Variants in NRF1 observed in about 807,000 individuals in gnomAD.
NRF1 encodes the protein nuclear respiratory factor 1, also known as alpha palindromic-binding protein.
Under a neutral mutation model 58.5 loss-of-function variants are expected in NRF1, and 5 were observed. The observed-to-expected ratio is 0.09, with a 90% CI of 0.04 to 0.18. The LOEUF (loss-of-function observed/expected upper bound fraction) is 0.18, where lower values mean the gene tolerates loss of function less well. NRF1 is among the 10% of genes least tolerant of loss of function. The pLI is 1.00. For synonymous variants in NRF1, 224 were observed against 246.7 expected, an observed-to-expected ratio of 0.91 and a Z score of 0.86; for missense variants, 288 against 657.7, an observed-to-expected ratio of 0.44 and a Z score of 6.15.
rs1260294564 is a variant in NRF1 at position 129,717,376 on chromosome 7, G to C, written c.1223G>C (p.Ser408Thr). Residue 408 changes from serine to threonine, a missense_variant and splice_region_variant, in exon 9 of 11, where the codon AGC becomes ACC. Coordinates refer to ENST00000393232, the MANE Select transcript of NRF1 (RefSeq NM_005011.5). Reference protein sequence around the residue: ...QGATVTMALNSEAAAHAVATL... With the variant: ...QGATVTMALNTEAAAHAVATL... ...GCTACAGTCACTATGGCGCTTAACA[G>C]GTGGTGGCAAGAGTGTGGGAATAAG... 6.2e-7 allele frequency: 1 copy of C among 1,607,476 alleles called. No individual in the cohort carries two copies. Among genetic ancestry groups the C allele is most frequent in the African/African-American group, 1.3e-5 (1 of 74,594 alleles).
chr7:129,713,006 AT>A (rs1166288116), intron 8 of NRF1, among the ~76,000 whole-genome samples: 1 of 151,930 alleles, frequency 6.6e-6, no homozygotes, highest in African/African-American at 2.4e-5. Flanking sequence ...TCTTGGTACT[AT>A]TTAAAGAAAG....
intron 7 of NRF1, among the ~76,000 whole-genome samples, chr7:129,710,865 C>T (rs1803056717): frequency 6.6e-6 from 1 of 151,858 alleles, no homozygotes; most frequent in Admixed American, 6.6e-5. Context: ...GCAGCCTCAA[C>T]CTCCCGGGCT....
chr7:129,617,289 A>C, intron 1 of NRF1, among the ~76,000 whole-genome samples: 1 of 152,318 alleles, frequency 6.6e-6, no homozygotes, highest in South Asian at 2.1e-4. Context: ...GAACTTTAAG[A>C]GTCCGTTTTG....
At chr7:129,672,745 G>T (rs867148758) in intron 3 of NRF1, among the ~76,000 whole-genome samples, 8 of 152,154 alleles carry the variant, frequency 5.3e-5, no homozygotes, top group Admixed American at 6.5e-5. Flanking sequence ...TGGCAGTGAG[G>T]GTGAGGCAGA....
At chr7:129,619,367 T>A (rs1310569444) in intron 1 of NRF1, among the ~76,000 whole-genome samples, 1 of 119,908 alleles carries the variant, frequency 8.3e-6, no homozygotes, top group African/African-American at 3.2e-5. Flanking sequence ...AAAAAAATCA[T>A]TGGGATAAAA....
At chr7:129,707,918 AATG>A (rs1338003974) in intron 5 of NRF1, among the ~76,000 whole-genome samples, 17 of 152,328 alleles carry the variant, frequency 1.1e-4, no homozygotes, top group South Asian at 2.1e-4. Flanking sequence ...TTATTATAAG[AATG>A]ATAAGAATAC....
At chr7:129,727,209 C>G in intron 9 of NRF1, 32 bp from the exon 10 acceptor site, 2 of 1,553,816 alleles carry the variant, frequency 1.3e-6, no homozygotes, top group Non-Finnish European at 1.7e-6. Flanking sequence ...TTCCTCTATT[C>G]ATCATCCTCT....
chr7:129,711,741 G>A (rs1803079013), intron 8 of NRF1, among the ~76,000 whole-genome samples, 165 bp downstream of exon 8: 1 of 152,218 alleles, frequency 6.6e-6, no homozygotes, highest in Admixed American at 6.5e-5. Flanking sequence ...CTTATGCTAT[G>A]TGTATTAATT....
intron 1 of NRF1, among the ~76,000 whole-genome samples, chr7:129,618,569 C>T (rs1223544256): frequency 6.6e-6 from 1 of 152,106 alleles, no homozygotes; most frequent in Admixed American, 6.5e-5. Context: ...GTGGTAGCCA[C>T]CTGTGGTCTC....
chr7:129,653,767 A>G (rs1021342414), intron 1 of NRF1, among the ~76,000 whole-genome samples: 3 of 152,172 alleles, frequency 2.0e-5, no homozygotes, highest in Non-Finnish European at 4.4e-5. Context: ...TCACTTAGCA[A>G]TATGCATTTA....
At chr7:129,675,846 A>T (rs1802165328) in intron 3 of NRF1, among the ~76,000 whole-genome samples, 1 of 152,166 alleles carries the variant, frequency 6.6e-6, no homozygotes, top group Non-Finnish European at 1.5e-5. Flanking sequence ...CTAACAAGAG[A>T]GTCAACCTGT....
intron 4 of NRF1, 56 bp downstream of exon 4, chr7:129,677,814 AT>A (rs1802217682): frequency 1.2e-6 from 2 of 1,602,158 alleles, no homozygotes; most frequent in South Asian, 2.2e-5. Flanking sequence ...GGCTGCTTCC[AT>A]TCTTCTGATC....
chr7:129,630,453 T>C (rs1801023027), intron 1 of NRF1, among the ~76,000 whole-genome samples: 1 of 152,140 alleles, frequency 6.6e-6, no homozygotes, highest in Non-Finnish European at 1.5e-5. Context: ...AAAGCAAACA[T>C]TCAATTTAAA....
At chr7:129,697,637 C>G (rs970541653) in intron 5 of NRF1, among the ~76,000 whole-genome samples, 2 of 152,106 alleles carry the variant, frequency 1.3e-5, no homozygotes, top group African/African-American at 2.4e-5. Flanking sequence ...TTCATATTGC[C>G]AGTGCTTTTT....
chr7:129,741,003 T>C lies in NRF1; in HGVS notation c.1348+13638T>C, dbSNP rs1431774890. On this transcript the variant is annotated intron_variant, in intron 10 of 10. Transcript: ENST00000393232. This position sits in a 1 kb window ranked among gnomAD's most constrained non-coding sequence, Gnocchi z 4.0. ...GATACTTTTCATGTGAAAGACTGGATACCTCTAGTCGACATGTCAGGGCCC... is the reference window on the plus strand; with the variant it reads ...GATACTTTTCATGTGAAAGACTGGACACCTCTAGTCGACATGTCAGGGCCC... Among the ~76,000 whole-genome samples the C allele has an allele frequency of 6.6e-6, 1 of 152,212 alleles. No individual in the cohort carries two copies. Among genetic ancestry groups the C allele is most frequent in the Non-Finnish European group, 1.5e-5 (1 of 68,034 alleles).
chr7:129,677,861 C>T lies in NRF1; in HGVS notation c.465+103C>T, dbSNP rs1802218823. 4 of 1,413,868 alleles carry T rather than the reference C, an allele frequency of 2.8e-6. No homozygotes were observed. The South Asian group carries it at 3.9e-5, about 14-fold the overall frequency. The allele number at this position is 1,413,868 out of a possible 1,614,324, so 87.6% of individuals were successfully genotyped here. A position where few individuals can be genotyped will look rare whatever the true frequency, so the allele number is the denominator to read the frequency against. ...TATAACAGTTGGCATTTCTGTTACCCCCTAATCCAGGCATGGGAGTGGGGA... is the reference window on the plus strand; with the variant it reads ...TATAACAGTTGGCATTTCTGTTACCTCCTAATCCAGGCATGGGAGTGGGGA... On this transcript the variant is annotated intron_variant, in intron 4 of 10. Coordinates refer to ENST00000393232, the MANE Select transcript of NRF1 (RefSeq NM_005011.5).
intron 1 of NRF1, among the ~76,000 whole-genome samples, chr7:129,635,904 CCTCATAAT>C (rs1562955515): frequency 6.6e-6 from 1 of 152,122 alleles, no homozygotes; most frequent in Non-Finnish European, 1.5e-5. Context: ...AATTCCTCTT[CCTCATAAT>C]GGTCTTTTAA....
chr7:129,720,892 A>T (rs1299465735), intron 9 of NRF1, among the ~76,000 whole-genome samples: 1 of 152,200 alleles, frequency 6.6e-6, no homozygotes, highest in East Asian at 1.9e-4. Flanking sequence ...AAAATAAAGA[A>T]TAAATCAGCA....
chr7:129,714,044 G>A (rs1803134725), intron 8 of NRF1, among the ~76,000 whole-genome samples: 1 of 152,132 alleles, frequency 6.6e-6, no homozygotes, highest in African/African-American at 2.4e-5. Context: ...TTTGGGGAAG[G>A]GAGTGCAACA....
Sources: gnomAD v4.1 joint callset for allele counts (sites outside exome capture counted in the v4.1 genomes callset) on GRCh38, gnomAD v4.1.1 for gene constraint, Gnocchi (gnomAD v3.1) non-coding constraint, MANE v1.5 for transcripts, NCBI Gene and HGNC (gene_info 2026-07-23, HGNC 2026-07-21) for gene names.